FANCI: variants seen among roughly 807,000 people sequenced by gnomAD.
FANCI encodes the protein FA complementation group I.
A neutral mutation model predicts 176.1 loss-of-function variants in FANCI; 156 were observed. The observed-to-expected ratio is 0.89, with a 90% CI of 0.78 to 1.01. FANCI has a LOEUF of 1.01. Ranked by LOEUF, FANCI falls within the 50% of genes least tolerant of loss-of-function variation. The pLI, the probability that FANCI is intolerant of heterozygous loss-of-function variation, is 0.00. For missense variants in FANCI, 1,678 were observed against 1,534.1 expected (o/e 1.09, Z -1.57); for synonymous variants, 613 against 541.7 (o/e 1.13, Z -1.83).
chr15:89,294,557 C>T (rs926273826), intron 23 of FANCI, among the ~76,000 whole-genome samples: 15 of 151,872 alleles, frequency 9.9e-5, no homozygotes, highest in African/African-American at 3.4e-4. Context: ...TGCACTCCAG[C>T]CTGGGCAACA....
chr15:89,281,174 G>C lies in FANCI; in HGVS notation c.1386G>C (p.Leu462=). 1 of 1,613,358 alleles carries C rather than the reference G, an allele frequency of 6.2e-7. No homozygotes were observed. Among genetic ancestry groups the C allele is most frequent in the South Asian group, 1.1e-5 (1 of 91,052 alleles). The change falls in exon 15 of 38, where the codon CTG becomes CTC. Residue 462 remains leucine, a synonymous_variant. Coordinates refer to ENST00000310775, the MANE Select transcript of FANCI (RefSeq NM_001113378.2). ...ATTATAGATTCTGTTTTTCAGACCT[G>C]CTTTCAAATATCGTCATGTATGCAC... ...ASSPISHFLD[L]LSNIVMYAPL... is the part of the protein sequence containing the mutation.
At chr15:89,272,967 A>G (rs949270391) in intron 10 of FANCI, among the ~76,000 whole-genome samples, 1 of 152,062 alleles carries the variant, frequency 6.6e-6, no homozygotes, top group Admixed American at 6.6e-5. Flanking sequence ...ACACCCGGCC[A>G]AGGGACTTAC....
At chr15:89,267,049 G>T (rs1445542399) in intron 9 of FANCI, among the ~76,000 whole-genome samples, 1 of 151,986 alleles carries the variant, frequency 6.6e-6, no homozygotes, top group African/African-American at 2.4e-5. Context: ...GAGTTCAGAG[G>T]CATTCCACCA....
intron 37 of FANCI, 77 bp downstream of exon 37, chr15:89,315,466 T>G (rs1195378006): frequency 3.1e-6 from 3 of 972,162 alleles, no homozygotes; most frequent in Admixed American, 3.5e-5. Flanking sequence ...AGTCACAGAT[T>G]AGTGGAAGGG....
At chr15:89,256,937 C>T (rs957024527) in intron 2 of FANCI, among the ~76,000 whole-genome samples, 3 of 152,064 alleles carry the variant, frequency 2.0e-5, no homozygotes, top group South Asian at 2.1e-4. Flanking sequence ...TATGGAGTCT[C>T]GCTCTGTCAC....
chr15:89,315,892 T>TTGGG (rs2055224343), intron 37 of FANCI, among the ~76,000 whole-genome samples: 1 of 152,230 alleles, frequency 6.6e-6, no homozygotes, highest in Non-Finnish European at 1.5e-5. Context: ...GAACCCAATG[T>TTGGG]TTCCTTACTT....
chr15:89,247,911 G>A (rs2151058459), intron 2 of FANCI, among the ~76,000 whole-genome samples, 180 bp downstream of exon 2: 1 of 152,318 alleles, frequency 6.6e-6, no homozygotes, highest in South Asian at 2.1e-4. Context: ...GGGAATGAGA[G>A]AAATAGACTA....
At chr15:89,285,307 A>G (rs2053771417) in intron 18 of FANCI, 89 bp downstream of exon 18, 2 of 1,519,204 alleles carry the variant, frequency 1.3e-6, no homozygotes, top group East Asian at 2.4e-5. Flanking sequence ...AAAGTACAAT[A>G]GCTATGCTCT....
At chr15:89,274,730 G>A (rs1484223595) in intron 12 of FANCI, among the ~76,000 whole-genome samples, 1 of 146,770 alleles carries the variant, frequency 6.8e-6, no homozygotes, top group Non-Finnish European at 1.5e-5. Flanking sequence ...TGAACCTCTC[G>A]AGTACCTGGT....
intron 18 of FANCI, among the ~76,000 whole-genome samples, chr15:89,286,846 C>T (rs184679090): frequency 7.2e-4 from 110 of 152,240 alleles, no homozygotes; most frequent in African/African-American, 2.6e-3. Context: ...AAGTCTTCTT[C>T]CAATATAAGG....
intron 2 of FANCI, among the ~76,000 whole-genome samples, chr15:89,249,387 G>A (rs1307024342): frequency 6.6e-6 from 1 of 152,162 alleles, no homozygotes; most frequent in Non-Finnish European, 1.5e-5. Flanking sequence ...TCTCACCCTT[G>A]CACAGGCTGG....
intron 27 of FANCI, among the ~76,000 whole-genome samples, chr15:89,303,431 T>C (rs916115642): frequency 5.3e-5 from 8 of 152,250 alleles, no homozygotes; most frequent in African/African-American, 1.9e-4. Flanking sequence ...TTCTCTCTTC[T>C]AACCTCCTTT....
chr15:89,312,856 C>G, intron 34 of FANCI, 48 bp from the exon 35 acceptor site: 1 of 1,495,442 alleles, frequency 6.7e-7, no homozygotes, highest in Non-Finnish European at 9.3e-7. Flanking sequence ...CATGCTAGCT[C>G]CACAGAAAAA....
intron 10 of FANCI, among the ~76,000 whole-genome samples, chr15:89,270,863 C>G (rs576213770): frequency 6.6e-6 from 1 of 152,078 alleles, no homozygotes; most frequent in Non-Finnish European, 1.5e-5. Context: ...TTGCCCCATC[C>G]TGATGCTAGC....
intron 34 of FANCI, 51 bp from the exon 35 acceptor site, chr15:89,312,853 G>A (rs781583643): frequency 6.9e-7 from 1 of 1,442,658 alleles, no homozygotes; most frequent in East Asian, 2.3e-5. Flanking sequence ...TAGCATGCTA[G>A]CTCCACAGAA....
intron 10 of FANCI, 67 bp from the exon 11 acceptor site, chr15:89,273,310 T>TAA (rs59945953): frequency 5.9e-4 from 352 of 596,596 alleles, no homozygotes; most frequent in South Asian, 7.5e-4. Context: ...TTTTTTTTTT[T>TAA]AAAAAAAAAA....
intron 20 of FANCI, among the ~76,000 whole-genome samples, 192 bp from the exon 21 acceptor site, chr15:89,292,496 G>A (rs1193957968): frequency 1.3e-5 from 2 of 152,130 alleles, no homozygotes; most frequent in African/African-American, 4.8e-5. Context: ...ATTTTCGGGG[G>A]GAAGCATTAG....
At chr15:89,256,859 G>A (rs1325976746) in intron 2 of FANCI, among the ~76,000 whole-genome samples, 1 of 152,108 alleles carries the variant, frequency 6.6e-6, no homozygotes, top group Non-Finnish European at 1.5e-5. Context: ...CTATCCACCA[G>A]CTAGCTGCTT....
rs2053625242 is a variant in FANCI at position 89,281,811 on chromosome 15, T to C, written c.1559T>C (p.Val520Ala). Residue 520 changes from valine to alanine, a missense_variant, in exon 16 of 38, where the codon GTC becomes GCC. By Grantham distance (64) the Val-to-Ala change is moderately conservative. Around this residue, in one of 3 missense-constraint regions of FANCI, gnomAD observed 1,204 missense variants for 1,077.4 expected, o/e 1.12. Transcript: ENST00000310775. ...TCAATGAGAGACTGCTTGATACTTG[T>C]CCTTCGGAAAGCTATGTTTGCCAAG... The part of the protein sequence containing the change: ...SMSMRDCLIL[V>A]LRKAMFANQL... The C allele has an allele frequency of 1.2e-6, 2 of 1,613,822 alleles. No individual in the cohort carries two copies. The highest frequency in any genetic ancestry group is 1.7e-6 in the Non-Finnish European group (2 of 1,179,922).
Sources: allele counts gnomAD v4.1 joint callset (sites outside exome capture counted in the v4.1 genomes callset), GRCh38; gene constraint gnomAD v4.1.1; regional missense constraint gnomAD v4.1.1; transcripts MANE v1.5; gene names NCBI Gene and HGNC (gene_info 2026-07-23, HGNC 2026-07-21).